USP48: variants seen among roughly 807,000 people sequenced by gnomAD.
The protein encoded by USP48 is ubiquitin carboxyl-terminal hydrolase 48.
In USP48, 43 loss-of-function variants were observed where a neutral mutation model predicts 150.7. The observed-to-expected ratio is 0.29, with a 90% CI of 0.22 to 0.37. The LOEUF is 0.37. Ranked by LOEUF, USP48 falls within the 10% of genes least tolerant of loss-of-function variation. The pLI, the probability that USP48 is intolerant of heterozygous loss-of-function variation, is 1.00. For synonymous variants in USP48, 396 were observed against 425.9 expected (o/e 0.93, Z 0.86); for missense variants, 813 against 1,249.6 (o/e 0.65, Z 5.27).
intron 1 of USP48, among the ~76,000 whole-genome samples, chr1:21,775,133 C>T (rs1278732393): frequency 1.3e-5 from 2 of 152,052 alleles, no homozygotes; most frequent in Admixed American, 6.6e-5. Flanking sequence ...CTTGCTCTAT[C>T]GCCCAAGCTG....
intron 24 of USP48, 62 bp from the exon 25 acceptor site, chr1:21,687,301 T>C: frequency 6.8e-7 from 1 of 1,479,958 alleles, no homozygotes; most frequent in Non-Finnish European, 9.3e-7. Context: ...ATTTGAAGTA[T>C]GGCCCATGAT....
intron 9 of USP48, among the ~76,000 whole-genome samples, chr1:21,735,077 T>A (rs1356963119): frequency 1.3e-5 from 2 of 152,112 alleles, no homozygotes; most frequent in Non-Finnish European, 2.9e-5. Flanking sequence ...TAGAATTAGT[T>A]CCCCAAAATA....
At chr1:21,766,582 G>A (rs1162981926) in intron 1 of USP48, among the ~76,000 whole-genome samples, 1 of 152,166 alleles carries the variant, frequency 6.6e-6, no homozygotes, top group Non-Finnish European at 1.5e-5. Flanking sequence ...CAGTTGCTAT[G>A]CAGTTCAAAG....
At chr1:21,758,063 T>C (rs527938803) in intron 1 of USP48, among the ~76,000 whole-genome samples, 43 of 152,164 alleles carry the variant, frequency 2.8e-4, no homozygotes, top group African/African-American at 9.6e-4. Flanking sequence ...CAATGCAAAA[T>C]CTCACTCATA....
Position 21,783,096 on chromosome 1 carries a change from T to A in USP48, c.-139A>T, listed in dbSNP as rs1485117307. 1 of 1,245,296 alleles carries A rather than the reference T, an allele frequency of 8.0e-7. No individual in the cohort carries two copies. The highest frequency in any genetic ancestry group is 4.2e-5 in the Admixed American group (1 of 23,994). 77.1% of individuals were successfully genotyped at this position (1,245,296 alleles called of 1,614,324 possible). A position where few individuals can be genotyped will look rare whatever the true frequency, so the allele number is the denominator to read the frequency against. On this transcript the variant is annotated 5_prime_UTR_variant, in exon 1 of 27. Coordinates refer to ENST00000308271, the MANE Select transcript of USP48 (RefSeq NM_032236.8). Reference sequence around the variant, plus strand: ...TCAGGCAGCTGGCCAGTCAATCACCTGTGCGCGCCACTGCCGCCGCGCCCG... The same window carrying A: ...TCAGGCAGCTGGCCAGTCAATCACCAGTGCGCGCCACTGCCGCCGCGCCCG...
At chr1:21,697,064 G>A (rs1343010575) in intron 22 of USP48, among the ~76,000 whole-genome samples, 4 of 152,256 alleles carry the variant, frequency 2.6e-5, no homozygotes, top group Middle Eastern at 3.4e-3. Flanking sequence ...GTCACTGAAT[G>A]TCAGCCGTGT....
Position 21,728,694 on chromosome 1 carries a change from C to T in USP48, c.1326G>A (p.Arg442=). The stretch of plus-strand genomic sequence containing the variant: ...ACCACTCCTCAAATTTGGAATTATC[C>T]CGATCTACCAGCTCTTGAAGAAAGG... ...VPAFLQELVD[R]DNSKFEEWCI... The change falls in exon 11 of 27, where the codon CGG becomes CGA. Residue 442 remains arginine (R), a synonymous_variant. Transcript: ENST00000308271. 6.2e-7 allele frequency: 1 copy of T among 1,613,990 alleles called. No homozygotes were observed. Among genetic ancestry groups the T allele is most frequent in the Non-Finnish European group, 8.5e-7 (1 of 1,179,978 alleles).
At chr1:21,782,194 AG>A (rs1211557319) in intron 1 of USP48, among the ~76,000 whole-genome samples, 1 of 152,180 alleles carries the variant, frequency 6.6e-6, no homozygotes, top group African/African-American at 2.4e-5. Context: ...AATCTATATG[AG>A]GGGGTTAAGG....
chr1:21,728,338 T>C, intron 11 of USP48: 2 of 1,280,906 alleles, frequency 1.6e-6, no homozygotes, highest in Non-Finnish European at 2.0e-6. Flanking sequence ...CTGACCTAAA[T>C]GTTATAATTT....
intron 6 of USP48, among the ~76,000 whole-genome samples, chr1:21,750,231 C>G (rs1437245203): frequency 1.3e-5 from 2 of 152,160 alleles, no homozygotes; most frequent in African/African-American, 2.4e-5. Flanking sequence ...AACCGCCCCC[C>G]ACCCAGGCTG....
In USP48 at chr1:21,702,380, T is replaced by G. The variant is rs200891578; in HGVS notation, c.2623-778A>C. Reference sequence around the variant, plus strand: ...ATATCTAGAGATATGGGTCAGGATCTACCCAAGAGCCATCCCTAATATAAT... The same window carrying G: ...ATATCTAGAGATATGGGTCAGGATCGACCCAAGAGCCATCCCTAATATAAT... On this transcript the variant is annotated intron_variant, in intron 21 of 26. Transcript: ENST00000308271. Among the ~76,000 whole-genome samples the G allele has an allele frequency of 8.5e-5, 13 of 152,106 alleles. No homozygotes were observed. In the East Asian group the frequency reaches 2.5e-3, roughly 29 times the overall value.
At chr1:21,701,396 CAATATCCCATACAGG>C in intron 22 of USP48, 87 bp downstream of exon 22, 1 of 839,012 alleles carries the variant, frequency 1.2e-6, no homozygotes, top group Non-Finnish European at 1.8e-6. Flanking sequence ...AAAAAAGAAC[CAATATCCCATACAGG>C]GTACAGAGAC....
chr1:21,778,523 C>A (rs1375140143), intron 1 of USP48, among the ~76,000 whole-genome samples: 2 of 144,668 alleles, frequency 1.4e-5, no homozygotes, highest in Non-Finnish European at 3.0e-5. Context: ...TCCCAGCTAC[C>A]AGGGAAGCTG....
Position 21,721,779 on chromosome 1 carries a change from G to A in USP48, c.1649-15C>T. ...CAGGGCTTTCACTACAGGCAAGAAA[G>A]AATGAAAGGAAATATATTTCATTCA... On this transcript the variant is annotated splice_polypyrimidine_tract_variant and intron_variant, in intron 12 of 26. Coordinates refer to ENST00000308271, the MANE Select transcript of USP48 (RefSeq NM_032236.8). The A allele has an allele frequency of 6.6e-7, 1 of 1,508,670 alleles. No individual in the cohort carries two copies. Among genetic ancestry groups the A allele is most frequent in the Non-Finnish European group, 9.0e-7 (1 of 1,109,832 alleles). The allele number at this position is 1,508,670 out of a possible 1,614,324, so 93.5% of individuals were successfully genotyped here.
chr1:21,735,027 G>T (rs954904738), intron 9 of USP48, among the ~76,000 whole-genome samples: 1 of 152,038 alleles, frequency 6.6e-6, no homozygotes, highest in African/African-American at 2.4e-5. Context: ...CAAGGATTTG[G>T]GTAAGATACT....
chr1:21,700,403 A>C (rs2097651993), intron 22 of USP48, among the ~76,000 whole-genome samples: 1 of 152,198 alleles, frequency 6.6e-6, no homozygotes, highest in African/African-American at 2.4e-5. Flanking sequence ...ACCACAAGTA[A>C]CATTTATTTT....
At chr1:21,739,050 C>T (rs1426463280) in intron 8 of USP48, among the ~76,000 whole-genome samples, 1 of 152,020 alleles carries the variant, frequency 6.6e-6, no homozygotes, top group Non-Finnish European at 1.5e-5. Flanking sequence ...GGCAATAAGC[C>T]ATGTAGTAAG....
intron 6 of USP48, among the ~76,000 whole-genome samples, chr1:21,750,858 G>A (rs2097810361): frequency 6.6e-6 from 1 of 151,256 alleles, no homozygotes; most frequent in African/African-American, 2.4e-5. Context: ...TTCCAGCCTG[G>A]GCAACAAGAG....
At chr1:21,738,309 C>T (rs948542754) in intron 8 of USP48, among the ~76,000 whole-genome samples, 1 of 150,922 alleles carries the variant, frequency 6.6e-6, no homozygotes, top group Non-Finnish European at 1.5e-5. Flanking sequence ...CCATCTGCCT[C>T]GGCCTCCCAA....
Sources: allele counts gnomAD v4.1 joint callset (sites outside exome capture counted in the v4.1 genomes callset), GRCh38; gene constraint gnomAD v4.1.1; transcripts MANE v1.5; gene names NCBI Gene and HGNC (gene_info 2026-07-23, HGNC 2026-07-21).